ELAVL2: variants seen among roughly 807,000 people sequenced by gnomAD.
ELAVL2 encodes ELAV-like protein 2.
In ELAVL2, 4 loss-of-function variants were observed where a neutral mutation model predicts 34.6. The ratio of observed to expected loss-of-function variants is 0.12; its 90% confidence interval spans 0.06 to 0.26. The LOEUF is 0.26. Among genes scored for constraint, ELAVL2 ranks in the 10% least tolerant of loss-of-function variants. The pLI is 1.00. For synonymous variants in ELAVL2, 193 were observed against 154.8 expected (o/e 1.25, Z -1.83); for missense variants, 432 against 442.8 (o/e 0.98, Z 0.22).
chr9:23,732,217 C>T (rs371198798), intron 2 of ELAVL2, among the ~76,000 whole-genome samples: 1 of 152,152 alleles, frequency 6.6e-6, no homozygotes, highest in African/African-American at 2.4e-5. Flanking sequence ...CTTGATGGGG[C>T]ACCGTAGGTG....
intron 1 of ELAVL2, among the ~76,000 whole-genome samples, chr9:23,804,877 T>C (rs941725792): frequency 4.6e-5 from 7 of 152,334 alleles, no homozygotes; most frequent in Non-Finnish European, 8.8e-5. Flanking sequence ...TGAATGTATA[T>C]GAAATGAGAC....
Position 23,701,356 on chromosome 9 carries a change from C to A in ELAVL2, c.713+23G>T, listed in dbSNP as rs780268801. 9.3e-6 allele frequency: 15 copies of A among 1,612,056 alleles called. No homozygotes were observed. The East Asian group carries it at 1.1e-4, about 12-fold the overall frequency. ...ATTCTCTTTCAGTTTAGTAGCTGGG[C>A]ACAAGAACCAAACCAGACTTACCTA... On this transcript the variant is annotated intron_variant, in intron 5 of 6. Coordinates refer to ENST00000397312, the MANE Select transcript of ELAVL2 (RefSeq NM_004432.5).
At chr9:23,805,800 C>A (rs937928533) in intron 1 of ELAVL2, among the ~76,000 whole-genome samples, 8 of 152,184 alleles carry the variant, frequency 5.3e-5, no homozygotes, top group African/African-American at 1.9e-4. Flanking sequence ...TCCATGGAGA[C>A]CCCTCCTTAT....
At chr9:23,814,867 T>C (rs539096818) in intron 1 of ELAVL2, among the ~76,000 whole-genome samples, 115 of 152,294 alleles carry the variant, frequency 7.6e-4, no homozygotes, top group African/African-American at 2.7e-3. Context: ...TCCAGAAATA[T>C]TTTCCCATCC....
At chr9:23,726,874 T>C (rs2045334518) in intron 3 of ELAVL2, among the ~76,000 whole-genome samples, 1 of 152,180 alleles carries the variant, frequency 6.6e-6, no homozygotes, top group Non-Finnish European at 1.5e-5. Flanking sequence ...GCATGAAGAC[T>C]GAACACAGTA....
At chr9:23,731,475 C>G (rs923699221) in intron 2 of ELAVL2, among the ~76,000 whole-genome samples, 1 of 152,152 alleles carries the variant, frequency 6.6e-6, no homozygotes, top group Non-Finnish European at 1.5e-5. Context: ...GCTTAACAGG[C>G]AATACCTTTT....
At chr9:23,847,720 C>T in the ELAVL2 span, among the ~76,000 whole-genome samples, 1 of 151,724 alleles carries the variant, frequency 6.6e-6, no homozygotes, top group Non-Finnish European at 1.5e-5. Context: ...ATTTAGCAAA[C>T]CTAAAATTGG....
chr9:23,764,645 A>G (rs951594329), intron 1 of ELAVL2, among the ~76,000 whole-genome samples: 6 of 152,154 alleles, frequency 3.9e-5, no homozygotes, highest in Non-Finnish European at 7.4e-5. Flanking sequence ...ATAACTTCAA[A>G]ATTTAGTAAC....
chr9:23,729,409 C>T (rs561742842), intron 3 of ELAVL2, among the ~76,000 whole-genome samples: 1 of 152,168 alleles, frequency 6.6e-6, no homozygotes, highest in African/African-American at 2.4e-5. Context: ...CTGACGGTAA[C>T]TGAACACTGG....
intron 3 of ELAVL2, among the ~76,000 whole-genome samples, chr9:23,725,399 C>G (rs1177115951): frequency 1.3e-5 from 2 of 152,136 alleles, no homozygotes; most frequent in Non-Finnish European, 2.9e-5. Flanking sequence ...GTCATGAACT[C>G]CCAGCATTAT....
intron 1 of ELAVL2, among the ~76,000 whole-genome samples, chr9:23,793,846 A>G (rs1269758054): frequency 1.3e-5 from 2 of 152,164 alleles, no homozygotes; most frequent in Non-Finnish European, 2.9e-5. Context: ...TACTGGTTCC[A>G]ATTTACACGC....
chr9:23,701,563 T>C lies in ELAVL2; in HGVS notation c.529A>G (p.Ile177Val), dbSNP rs200338929. Residue 177 changes from isoleucine to valine, a missense_variant, in exon 5 of 7, where the codon ATT becomes GTT. Transcript: ENST00000397312. Reference protein sequence around the residue: ...GVGFIRFDKRIEAEEAIKGLN... With the variant: ...GVGFIRFDKRVEAEEAIKGLN... Reference sequence around the variant, plus strand: ...CCTTTGATAGCTTCTTCTGCCTCAATTCGCTTGTCAAATCGAATAAACCCT... The same window carrying C: ...CCTTTGATAGCTTCTTCTGCCTCAACTCGCTTGTCAAATCGAATAAACCCT... 1.6e-5 allele frequency: 26 copies of C among 1,613,982 alleles called. No individual in the cohort carries two copies. Among genetic ancestry groups the C allele is most frequent in the Non-Finnish European group, 2.1e-5 (25 of 1,179,994 alleles).
intron 3 of ELAVL2, among the ~76,000 whole-genome samples, chr9:23,705,280 G>C (rs1425361200): frequency 6.6e-6 from 1 of 152,146 alleles, no homozygotes; most frequent in Non-Finnish European, 1.5e-5. Flanking sequence ...TAGGTGGACA[G>C]GGAAGAGTAT....
chr9:23,733,271 T>C (rs1243931326), intron 2 of ELAVL2, among the ~76,000 whole-genome samples: 1 of 151,962 alleles, frequency 6.6e-6, no homozygotes, highest in African/African-American at 2.4e-5. Context: ...TGTTTGTGTC[T>C]GTATATATAT....
At chr9:23,780,076 T>A (rs1193899248) in intron 1 of ELAVL2, among the ~76,000 whole-genome samples, 4 of 135,326 alleles carry the variant, frequency 3.0e-5, no homozygotes, top group African/African-American at 1.1e-4. Context: ...CAAAGTAAAG[T>A]ATGGGTTCCT....
the ELAVL2 span, among the ~76,000 whole-genome samples, chr9:23,848,186 T>G: frequency 2.6e-5 from 4 of 152,226 alleles, no homozygotes; most frequent in South Asian, 6.2e-4. Context: ...AATTATAAAT[T>G]TAAATCCTAT....
intron 1 of ELAVL2, among the ~76,000 whole-genome samples, chr9:23,814,774 A>G (rs926938198): frequency 1.2e-4 from 18 of 152,172 alleles, no homozygotes; most frequent in Non-Finnish European, 2.1e-4. Context: ...CTCACCTGCC[A>G]TATCACCTCC....
chr9:23,838,388 A>C, the ELAVL2 span, among the ~76,000 whole-genome samples: 1 of 152,124 alleles, frequency 6.6e-6, no homozygotes. Flanking sequence ...AGGACCAGTG[A>C]CCTCTTAAAA....
At chr9:23,845,074 G>A in the ELAVL2 span, among the ~76,000 whole-genome samples, 7 of 151,682 alleles carry the variant, frequency 4.6e-5, no homozygotes, top group African/African-American at 1.5e-4. Flanking sequence ...ATAGACTCCA[G>A]AATTTATCCT....
Sources: gnomAD v4.1 joint callset for allele counts (sites outside exome capture counted in the v4.1 genomes callset) on GRCh38, gnomAD v4.1.1 for gene constraint, MANE v1.5 for transcripts, NCBI Gene and HGNC (gene_info 2026-07-23, HGNC 2026-07-21) for gene names.